Variants in PRPH2 observed in about 807,000 individuals in gnomAD.
PRPH2 encodes the protein peripherin-2.
PRPH2 carries 17 observed loss-of-function variants against 31.3 expected under a neutral mutation model. That is an observed-to-expected ratio of 0.54 (90% confidence interval 0.37 to 0.81). The LOEUF (loss-of-function observed/expected upper bound fraction) is 0.81. Among genes scored for constraint, PRPH2 ranks in the 40% least tolerant of loss-of-function variants. The pLI, the probability that PRPH2 is intolerant of heterozygous loss-of-function variation, is 0.00. For missense variants in PRPH2, 430 were observed against 439.7 expected (o/e 0.98, Z 0.20); for synonymous variants, 165 against 184.4 (o/e 0.89, Z 0.85).
intron 2 of PRPH2, among the ~76,000 whole-genome samples, chr6:42,700,403 T>A (rs1800025385): frequency 6.6e-6 from 1 of 152,366 alleles, no homozygotes; most frequent in East Asian, 1.9e-4. Context: ...AGGGCAGGGA[T>A]GGCCCTGACT....
intron 1 of PRPH2, among the ~76,000 whole-genome samples, chr6:42,714,909 T>G (rs916388336): frequency 3.3e-5 from 5 of 152,210 alleles, no homozygotes; most frequent in African/African-American, 1.2e-4. Flanking sequence ...TTCTCATATA[T>G]AAAATGGAGC....
intron 1 of PRPH2, among the ~76,000 whole-genome samples, chr6:42,712,506 G>A (rs939372526): frequency 6.6e-6 from 1 of 152,170 alleles, no homozygotes; most frequent in East Asian, 1.9e-4. Flanking sequence ...ATTTGCTTTA[G>A]GATATTCAGA....
intron 1 of PRPH2, among the ~76,000 whole-genome samples, chr6:42,719,321 C>A (rs896529062): frequency 3.9e-5 from 6 of 152,122 alleles, no homozygotes; most frequent in South Asian, 4.2e-4. Flanking sequence ...AGATTACAGG[C>A]ATGCCACCAC....
rs55980105 is a variant in PRPH2 at position 42,698,092 on chromosome 6, T to G, written c.*203A>C. On this transcript the variant is annotated 3_prime_UTR_variant, in exon 3 of 3. Coordinates refer to ENST00000230381, the MANE Select transcript of PRPH2 (RefSeq NM_000322.5). Reference sequence around the variant, plus strand: ...TCACTCACATTCACATTAGCTTCATTCACATTTTGGGTCAGTCATTCAACA... The same window carrying G: ...TCACTCACATTCACATTAGCTTCATGCACATTTTGGGTCAGTCATTCAACA... The G allele has an allele frequency of 1.0e-4, 70 of 670,488 alleles. No homozygotes were observed. Among genetic ancestry groups the G allele is most frequent in the South Asian group, 3.4e-4 (18 of 52,252 alleles). 41.5% of individuals were successfully genotyped at this position (670,488 alleles called of 1,614,324 possible). A position where few individuals can be genotyped will look rare whatever the true frequency, so the allele number is the denominator to read the frequency against.
chr6:42,716,666 G>A (rs1761789190), intron 1 of PRPH2, among the ~76,000 whole-genome samples: 1 of 145,076 alleles, frequency 6.9e-6, no homozygotes, highest in South Asian at 2.2e-4. Context: ...TGTTGCCCAG[G>A]CTGTAGTAGA....
In PRPH2 at chr6:42,722,501, C is replaced by T; in HGVS notation, c.-167G>A. Reference sequence around the variant, plus strand: ...TCGAGTCCCACTAGCCTGGGATCCCCGTGAATGCAGTAGTGGTGGCAGGGG... The same window carrying T: ...TCGAGTCCCACTAGCCTGGGATCCCTGTGAATGCAGTAGTGGTGGCAGGGG... On this transcript the variant is annotated 5_prime_UTR_variant, in exon 1 of 3. Coordinates refer to ENST00000230381, the MANE Select transcript of PRPH2 (RefSeq NM_000322.5). The surrounding 1 kb of genome is among the most constrained non-coding windows in gnomAD (Gnocchi z 4.4). The T allele has an allele frequency of 6.7e-6, 10 of 1,497,180 alleles. No individual in the cohort carries two copies. The highest frequency in any genetic ancestry group is 1.4e-5 in the African/African-American group (1 of 72,024). 92.7% of individuals were successfully genotyped at this position (1,497,180 alleles called of 1,614,324 possible).
intron 1 of PRPH2, among the ~76,000 whole-genome samples, chr6:42,704,878 T>G (rs1194961576): frequency 6.6e-6 from 1 of 152,222 alleles, no homozygotes; most frequent in Non-Finnish European, 1.5e-5. Context: ...CCAACCACTC[T>G]GTGCTGCCAG....
intron 1 of PRPH2, 30 bp from the exon 2 acceptor site, chr6:42,704,641 G>T: frequency 6.2e-7 from 1 of 1,614,080 alleles, no homozygotes; most frequent in East Asian, 2.2e-5. Flanking sequence ...CTGGAGATGG[G>T]CTTCCCGGGC....
At chr6:42,721,458 C>T (rs1761900263) in intron 1 of PRPH2, among the ~76,000 whole-genome samples, 1 of 152,186 alleles carries the variant, frequency 6.6e-6, no homozygotes, top group Non-Finnish European at 1.5e-5. Context: ...TGCTGCCTGG[C>T]TCTTCATCCC....
chr6:42,714,941 G>A (rs1429085548), intron 1 of PRPH2, among the ~76,000 whole-genome samples: 1 of 152,210 alleles, frequency 6.6e-6, no homozygotes. Context: ...GCTGGGTGCA[G>A]TGGCTCACGC....
rs1582759279 is a variant in PRPH2, at chr6:42,698,228, G to A, written c.*67C>T. On this transcript the variant is annotated 3_prime_UTR_variant, in exon 3 of 3. Transcript: ENST00000230381. ...ATTCAGACTTTCGGAGTTGGATGAGGGGGAGATCCACGTTTCTTGGAGTGC... is the reference window on the plus strand; with the variant it reads ...ATTCAGACTTTCGGAGTTGGATGAGAGGGAGATCCACGTTTCTTGGAGTGC... 1 of 1,602,234 alleles carries A rather than the reference G, an allele frequency of 6.2e-7. No homozygotes were observed.
chr6:42,702,242 TA>T (rs555393800), intron 2 of PRPH2, among the ~76,000 whole-genome samples: 340 of 140,644 alleles, frequency 2.4e-3, no homozygotes, highest in Middle Eastern at 3.6e-3. Context: ...AACTCTGTCT[TA>T]AAAAAAAAAA....
chr6:42,703,392 C>A lies in PRPH2; in HGVS notation c.828+973G>T, dbSNP rs434439. On this transcript the variant is annotated intron_variant, in intron 2 of 2. Transcript: ENST00000230381. ...TAACAGGTAAATGAGGACCAGCATC[C>A]CAAGAAGCACAAATCCAAACAGTAC... is the stretch of plus-strand genomic sequence containing the variant. Among the ~76,000 whole-genome samples, 6 of 152,000 alleles carry A rather than the reference C, an allele frequency of 3.9e-5. No homozygotes were observed. In the East Asian group the frequency reaches 7.7e-4, roughly 20 times the overall value.
At chr6:42,705,449 A>T (rs1042825708) in intron 1 of PRPH2, among the ~76,000 whole-genome samples, 3 of 151,098 alleles carry the variant, frequency 2.0e-5, no homozygotes, top group Non-Finnish European at 3.0e-5. Flanking sequence ...TTGGCTGGGC[A>T]TGGTGGCTCA....
intron 1 of PRPH2, among the ~76,000 whole-genome samples, 154 bp downstream of exon 1, chr6:42,721,600 T>G (rs979277789): frequency 1.5e-4 from 23 of 152,184 alleles, no homozygotes; most frequent in African/African-American, 5.1e-4. Flanking sequence ...TTCATATGGT[T>G]CCACCTGATA....
In PRPH2 at chr6:42,701,682, A is replaced by ATTTTTTTTTTTTTTT. The variant is rs70990127; in HGVS notation, c.828+2668_828+2682dup. On this transcript the variant is annotated intron_variant, in intron 2 of 2. Transcript: ENST00000230381. ...TAGGCATGCGCCACCACGTCCAGCA[A>ATTTTTTTTTTTTTTT]TTTTTTTTTTTTTTTTTTTTTTTTT... is the stretch of plus-strand genomic sequence containing the variant. 1.5e-3 allele frequency among the ~76,000 whole-genome samples: 118 copies of ATTTTTTTTTTTTTTT among 78,518 alleles called. 20 individuals carry two copies. The highest frequency in any genetic ancestry group is 2.0e-3 in the East Asian group (4 of 2,028). 51.5% of individuals were successfully genotyped at this position (78,518 alleles called of 152,430 possible). A position where few individuals can be genotyped will look rare whatever the true frequency, so the allele number is the denominator to read the frequency against.
rs917458112 is a variant in PRPH2 at position 42,721,628 on chromosome 6, C to T, written c.581+126G>A. 20 of 1,093,320 alleles carry T rather than the reference C, an allele frequency of 1.8e-5. No homozygotes were observed. The African/African-American group carries it at 2.9e-4, about 16-fold the overall frequency. The allele number at this position is 1,093,320 out of a possible 1,614,324, so 67.7% of individuals were successfully genotyped here. On this transcript the variant is annotated intron_variant, in intron 1 of 2. Coordinates refer to ENST00000230381, the MANE Select transcript of PRPH2 (RefSeq NM_000322.5). ...ACCTGATACACCCTCACATACGCAG[C>T]AATAAGTTGTGCACCCGATGGAGAG...
rs1800110455 is a variant in PRPH2, at chr6:42,704,410, G to C, written c.783C>G (p.Leu261=). The change falls in exon 2 of 3, where the codon CTC becomes CTG. Residue 261 remains leucine (L), a synonymous_variant. Coordinates refer to ENST00000230381, the MANE Select transcript of PRPH2 (RefSeq NM_000322.5). ...RAALLSYYSS[L]MNSMGVVTLL... ...GCGTGACGACACCCATGGAGTTCAT[G>C]AGGCTGCTGTAGTAGCTCAGCAGGG... 6.2e-7 allele frequency: 1 copy of C among 1,610,546 alleles called. No homozygotes were observed. The highest frequency in any genetic ancestry group is 1.3e-5 in the African/African-American group (1 of 74,984).
In PRPH2 at chr6:42,722,014, G is replaced by A. The variant is rs781631103; in HGVS notation, c.321C>T (p.Leu107=). The A allele has an allele frequency of 3.7e-6, 6 of 1,614,130 alleles. No homozygotes were observed. Among genetic ancestry groups the A allele is most frequent in the Non-Finnish European group, 5.1e-6 (6 of 1,180,026 alleles). Residue 107 remains leucine, a synonymous_variant, in exon 1 of 3, where the codon CTC becomes CTT. Coordinates refer to ENST00000230381, the MANE Select transcript of PRPH2 (RefSeq NM_000322.5). This position sits in a 1 kb window ranked among gnomAD's most constrained non-coding sequence, Gnocchi z 4.4. ...CCACAAGGAAGAGGATGATGTTGAAGAGAACACAGATAGCCAGGTACGGCT... is the reference window on the plus strand; with the variant it reads ...CCACAAGGAAGAGGATGATGTTGAAAAGAACACAGATAGCCAGGTACGGCT... ...WLKPYLAICV[L]FNIILFLVAL...
Sources: allele counts gnomAD v4.1 joint callset (sites outside exome capture counted in the v4.1 genomes callset), GRCh38; gene constraint gnomAD v4.1.1; non-coding constraint Gnocchi (gnomAD v3.1); transcripts MANE v1.5; gene names NCBI Gene and HGNC (gene_info 2026-07-23, HGNC 2026-07-21).